ARFGAP3: variants seen among roughly 807,000 people sequenced by gnomAD.
ARFGAP3 encodes ADP-ribosylation factor GTPase-activating protein 3.
ARFGAP3 carries 72 observed loss-of-function variants against 75.0 expected under a neutral mutation model. The ratio of observed to expected loss-of-function variants is 0.96; its 90% CI spans 0.79 to 1.17. ARFGAP3 has a LOEUF of 1.17. Ranked by LOEUF, ARFGAP3 falls within the 50% of genes most tolerant of loss-of-function variation. ARFGAP3 has a pLI of 0.00. For synonymous variants in ARFGAP3, 221 were observed against 217.9 expected, an observed-to-expected ratio of 1.01 and a Z score of -0.13; for missense variants, 620 against 626.6, an observed-to-expected ratio of 0.99 and a Z score of 0.11.
chr22:42,831,696 C>A (rs1467352609), intron 5 of ARFGAP3, 60 bp from the exon 6 acceptor site: 2 of 1,607,344 alleles, frequency 1.2e-6, no homozygotes, highest in Non-Finnish European at 1.7e-6. Flanking sequence ...ATAAAAAACA[C>A]ATCAAAGCAC....
chr22:42,819,311 T>C (rs547479444), intron 9 of ARFGAP3, among the ~76,000 whole-genome samples: 4 of 152,296 alleles, frequency 2.6e-5, no homozygotes, highest in African/African-American at 9.6e-5. Flanking sequence ...TTTAAAATCA[T>C]GAATACATAT....
chr22:42,840,836 G>C, intron 3 of ARFGAP3, 108 bp downstream of exon 3: 1 of 1,165,594 alleles, frequency 8.6e-7, no homozygotes, highest in Admixed American at 2.4e-5. Flanking sequence ...CTCCCAAATG[G>C]CTGAGATTAC....
chr22:42,851,992 T>G (rs1927295820), intron 1 of ARFGAP3, among the ~76,000 whole-genome samples: 1 of 152,204 alleles, frequency 6.6e-6, no homozygotes, highest in South Asian at 2.1e-4. Context: ...GTGTGATCTA[T>G]GCAGTCGCAG....
chr22:42,827,082 A>G (rs1018293263), intron 6 of ARFGAP3, 83 bp from the exon 7 acceptor site: 18 of 1,490,618 alleles, frequency 1.2e-5, no homozygotes, highest in Non-Finnish European at 7.9e-6. Flanking sequence ...CAACTTGCTC[A>G]GTGCTACATC....
At chr22:42,856,738 C>T (rs1927517918) in intron 1 of ARFGAP3, among the ~76,000 whole-genome samples, 2 of 152,128 alleles carry the variant, frequency 1.3e-5, no homozygotes, top group Admixed American at 1.3e-4. Context: ...GCATCCGGCG[C>T]CAGCAGCCGG....
intron 9 of ARFGAP3, among the ~76,000 whole-genome samples, chr22:42,818,368 AC>A (rs1299189379): frequency 6.6e-6 from 1 of 152,214 alleles, no homozygotes; most frequent in Non-Finnish European, 1.5e-5. Flanking sequence ...TCTTGTAGAT[AC>A]ATCTCTATGC....
At chr22:42,809,202 T>C (rs1925256741) in intron 12 of ARFGAP3, among the ~76,000 whole-genome samples, 1 of 152,224 alleles carries the variant, frequency 6.6e-6, no homozygotes, top group South Asian at 2.1e-4. Context: ...CACTGCTCTC[T>C]CTACATTGTA....
intron 15 of ARFGAP3, 97 bp downstream of exon 15, chr22:42,798,942 A>T: frequency 1.0e-6 from 1 of 984,520 alleles, no homozygotes; most frequent in Non-Finnish European, 1.6e-6. Flanking sequence ...AATAATATAT[A>T]ATTGAATTTT....
intron 1 of ARFGAP3, among the ~76,000 whole-genome samples, chr22:42,853,167 G>A (rs1484272383): frequency 6.7e-6 from 1 of 149,168 alleles, no homozygotes; most frequent in Non-Finnish European, 1.5e-5. Flanking sequence ...CTTATAATAA[G>A]AGTTTCTTTC....
chr22:42,852,776 T>C (rs1420342441), intron 1 of ARFGAP3, among the ~76,000 whole-genome samples: 1 of 152,214 alleles, frequency 6.6e-6, no homozygotes, highest in Non-Finnish European at 1.5e-5. Context: ...TATTTGTGTG[T>C]GCGTGTGAGA....
At chr22:42,825,277 A>T (rs1362354380) in intron 7 of ARFGAP3, among the ~76,000 whole-genome samples, 1 of 152,194 alleles carries the variant, frequency 6.6e-6, no homozygotes, top group African/African-American at 2.4e-5. Flanking sequence ...ACAATAATAA[A>T]AATAAAGTTA....
At chr22:42,850,715 G>A (rs1236774029) in intron 1 of ARFGAP3, among the ~76,000 whole-genome samples, 10 of 151,760 alleles carry the variant, frequency 6.6e-5, no homozygotes, top group East Asian at 1.9e-4. Context: ...GAGGAAACAC[G>A]AGTGGGTTTT....
chr22:42,810,463 CA>C (rs1925316085), intron 12 of ARFGAP3, among the ~76,000 whole-genome samples: 3 of 152,044 alleles, frequency 2.0e-5, no homozygotes, highest in Non-Finnish European at 4.4e-5. Context: ...GACTCTGTCT[CA>C]AAAATAAAAC....
intron 6 of ARFGAP3, among the ~76,000 whole-genome samples, chr22:42,830,869 AT>A (rs1400946078): frequency 1.3e-5 from 2 of 152,218 alleles, no homozygotes; most frequent in Non-Finnish European, 2.9e-5. Flanking sequence ...TTCACTCTCT[AT>A]TTAACAATTT....
chr22:42,800,556 C>T (rs1260047236), intron 14 of ARFGAP3, among the ~76,000 whole-genome samples: 1 of 152,078 alleles, frequency 6.6e-6, no homozygotes, highest in Non-Finnish European at 1.5e-5. Context: ...AAGCCTTGGT[C>T]AAGTCCCTCT....
rs1303455113 is a variant in ARFGAP3 at position 42,822,130 on chromosome 22, A to G, written c.812+140T>C. ...CCCTTCCAATCCACATGCCAATGCA[A>G]TATCAGTTTTCATAAAACTGAATTT... On this transcript the variant is annotated intron_variant, in intron 9 of 15. Transcript: ENST00000263245. 27 of 686,848 alleles carry G rather than the reference A, an allele frequency of 3.9e-5. No individual in the cohort carries two copies. The South Asian group carries it at 4.1e-4, about 10-fold the overall frequency. The allele number at this position is 686,848 out of a possible 1,614,324, so 42.5% of individuals were successfully genotyped here.
chr22:42,810,745 G>T, intron 12 of ARFGAP3, 68 bp downstream of exon 12: 1 of 1,400,176 alleles, frequency 7.1e-7, no homozygotes, highest in Non-Finnish European at 1.0e-6. Context: ...ATGTCATCAT[G>T]TTATCAGCAA....
intron 13 of ARFGAP3, among the ~76,000 whole-genome samples, chr22:42,807,901 T>C (rs539482435): frequency 8.6e-5 from 13 of 151,200 alleles, no homozygotes; most frequent in African/African-American, 3.1e-4. Context: ...CGTACCACCA[T>C]ACCGAGCTAA....
chr22:42,817,909 T>C, intron 9 of ARFGAP3, 52 bp from the exon 10 acceptor site: 2 of 1,409,786 alleles, frequency 1.4e-6, no homozygotes, highest in Non-Finnish European at 1.9e-6. Flanking sequence ...TTTGTTCTTA[T>C]ATTAAAATAG....
Sources: gnomAD v4.1 joint callset for allele counts (sites outside exome capture counted in the v4.1 genomes callset) on GRCh38, gnomAD v4.1.1 for gene constraint, MANE v1.5 for transcripts, NCBI Gene and HGNC (gene_info 2026-07-23, HGNC 2026-07-21) for gene names.